The following BLVRA variants were observed in gnomAD, a reference collection of about 807,000 sequenced individuals.
BLVRA encodes the protein biliverdin reductase A, also known as BVR A.
BLVRA carries 22 observed loss-of-function variants against 32.8 expected under a neutral mutation model. The ratio of observed to expected loss-of-function variants is 0.67; its 90% confidence interval spans 0.48 to 0.96. The LOEUF (loss-of-function observed/expected upper bound fraction) is 0.96. BLVRA is among the 40% of genes least tolerant of loss of function. BLVRA has a pLI of 0.00. For missense variants in BLVRA, 323 were observed against 358.1 expected, an observed-to-expected ratio of 0.90 and a Z score of 0.79; for synonymous variants, 119 against 141.3, an observed-to-expected ratio of 0.84 and a Z score of 1.12.
chr7:43,774,960 C>G (rs1030510244), intron 2 of BLVRA, among the ~76,000 whole-genome samples: 3 of 152,084 alleles, frequency 2.0e-5, no homozygotes, highest in African/African-American at 7.2e-5. Flanking sequence ...TGGTGTATAA[C>G]AATGCTTGTG....
chr7:43,807,324 C>T lies in BLVRA; in HGVS notation c.*89C>T, dbSNP rs2095805086. On this transcript the variant is annotated 3_prime_UTR_variant, in exon 8 of 8. Coordinates refer to ENST00000265523, the MANE Select transcript of BLVRA (RefSeq NM_000712.4). Reference sequence around the variant, plus strand: ...CATTATCTCTATTCTTAAAATTAAACATGTTGGGGAAACAAGAATCTTATT... The same window carrying T: ...CATTATCTCTATTCTTAAAATTAAATATGTTGGGGAAACAAGAATCTTATT... 15 of 1,565,570 alleles carry T rather than the reference C, an allele frequency of 9.6e-6. No homozygotes were observed. In the South Asian group the frequency reaches 1.3e-4, roughly 14 times the overall value.
chr7:43,795,386 C>T (rs117981133), intron 5 of BLVRA, among the ~76,000 whole-genome samples: 2,583 of 151,916 alleles, frequency 0.017, 45 homozygotes, highest in Non-Finnish European at 0.025. Context: ...TGTGGTGGCG[C>T]GCACATATAG....
intron 1 of BLVRA, among the ~76,000 whole-genome samples, chr7:43,766,943 G>T (rs567293583): frequency 2.0e-5 from 3 of 152,196 alleles, no homozygotes; most frequent in Non-Finnish European, 4.4e-5. Flanking sequence ...GTTGCAGTGA[G>T]CTGTGATCAT....
intron 2 of BLVRA, among the ~76,000 whole-genome samples, chr7:43,779,490 G>A (rs1209203557): frequency 6.6e-6 from 1 of 152,168 alleles, no homozygotes; most frequent in Non-Finnish European, 1.5e-5. Context: ...TAATAATGTA[G>A]ACACATGTTC....
At chr7:43,771,046 A>G (rs1376286915) in intron 1 of BLVRA, 92 bp from the exon 2 acceptor site, 1 of 1,044,978 alleles carries the variant, frequency 9.6e-7, no homozygotes, top group African/African-American at 1.6e-5. Context: ...GACAGGAAGC[A>G]GTGGGGGAGC....
intron 1 of BLVRA, chr7:43,767,678 A>C: frequency 3.5e-6 from 2 of 575,362 alleles, no homozygotes; most frequent in Non-Finnish European, 6.3e-6. Context: ...TGATTTGAAT[A>C]AAATTGAAAG....
At position 43,758,689 on chromosome 7, in the gene BLVRA, A is replaced by G. The variant is rs2095738887; in HGVS notation, c.-67A>G. The G allele has an allele frequency of 6.6e-6, 1 of 152,156 alleles. No homozygotes were observed. Among genetic ancestry groups the G allele is most frequent in the Middle Eastern group, 3.4e-3 (1 of 294 alleles). 9.4% of individuals were successfully genotyped at this position (152,156 alleles called of 1,614,324 possible). On this transcript the variant is annotated 5_prime_UTR_variant, in exon 1 of 8. Transcript: ENST00000265523. ...GCTGGGATCCCGCCCCGGTCCGCAA[A>G]GCCGGTGGCGCCCGGAGGCTGCACG...
chr7:43,787,820 G>C lies in BLVRA; in HGVS notation c.13-84G>C. 6.2e-7 allele frequency: 1 copy of C among 1,608,548 alleles called. No individual in the cohort carries two copies. Among genetic ancestry groups the C allele is most frequent in the African/African-American group, 1.3e-5 (1 of 74,884 alleles). On this transcript the variant is annotated intron_variant, in intron 2 of 7. Coordinates refer to ENST00000265523, the MANE Select transcript of BLVRA (RefSeq NM_000712.4). The surrounding 1 kb of genome is among the most constrained non-coding windows in gnomAD (Gnocchi z 4.5). ...GGCTGGCTTCCATCTTGCTCGTCGGGACCCTGCCAGCTCCTTTGTTTTGTA... is the reference window on the plus strand; with the variant it reads ...GGCTGGCTTCCATCTTGCTCGTCGGCACCCTGCCAGCTCCTTTGTTTTGTA...
intron 5 of BLVRA, among the ~76,000 whole-genome samples, chr7:43,797,677 T>TTGTC (rs1194931783): frequency 1.3e-5 from 2 of 152,188 alleles, no homozygotes; most frequent in Admixed American, 1.3e-4. Flanking sequence ...ATTTCACCAG[T>TTGTC]TGTCCCAATA....
intron 5 of BLVRA, among the ~76,000 whole-genome samples, chr7:43,800,174 T>A (rs1157733009): frequency 6.6e-6 from 1 of 152,126 alleles, no homozygotes; most frequent in Non-Finnish European, 1.5e-5. Flanking sequence ...CAGGCTGGTC[T>A]GGAACTCCTG....
At chr7:43,766,557 CAG>C (rs2095748160) in intron 1 of BLVRA, among the ~76,000 whole-genome samples, 1 of 152,074 alleles carries the variant, frequency 6.6e-6, no homozygotes, top group Middle Eastern at 3.2e-3. Flanking sequence ...TGATTCTGTT[CAG>C]AGTTTAACTA....
At chr7:43,768,019 G>A (rs1209472145) in intron 1 of BLVRA, among the ~76,000 whole-genome samples, 1 of 152,152 alleles carries the variant, frequency 6.6e-6, no homozygotes, top group Admixed American at 6.5e-5. Flanking sequence ...CCACAGAGAT[G>A]CTACCCACTT....
At chr7:43,769,531 A>AT (rs2095752060) in intron 1 of BLVRA, among the ~76,000 whole-genome samples, 1 of 152,112 alleles carries the variant, frequency 6.6e-6, no homozygotes, top group South Asian at 2.1e-4. Flanking sequence ...AGGTTGGGTC[A>AT]TGAGACCCAC....
chr7:43,770,129 G>A (rs2095752852), intron 1 of BLVRA, among the ~76,000 whole-genome samples: 1 of 152,134 alleles, frequency 6.6e-6, no homozygotes, highest in South Asian at 2.1e-4. Context: ...CCTTTTCAGA[G>A]GCCTTCTGCC....
At chr7:43,803,897 A>T in intron 7 of BLVRA, 50 bp downstream of exon 7, 1 of 1,604,136 alleles carries the variant, frequency 6.2e-7, no homozygotes, top group Non-Finnish European at 8.5e-7. Flanking sequence ...ACATCCTAGT[A>T]CATTTGCAGG....
intron 7 of BLVRA, among the ~76,000 whole-genome samples, chr7:43,806,278 C>T (rs2095803998): frequency 6.6e-6 from 1 of 152,216 alleles, no homozygotes; most frequent in Non-Finnish European, 1.5e-5. Context: ...CACCACTGCA[C>T]TCCAGCCTGG....
intron 1 of BLVRA, among the ~76,000 whole-genome samples, chr7:43,767,783 A>C (rs2095749833): frequency 6.6e-6 from 1 of 152,214 alleles, no homozygotes; most frequent in African/African-American, 2.4e-5. Flanking sequence ...TAACTATATG[A>C]ATCTCATTTG....
chr7:43,767,358 A>G lies in BLVRA; in HGVS notation c.-21-3780A>G. 1.3e-6 allele frequency: 2 copies of G among 1,598,628 alleles called. 1 individual carries two copies. The highest frequency in any genetic ancestry group is 2.2e-5 in the South Asian group (2 of 90,794). ...CTAAGTTCGGAAAAGAAAGCTCATT[A>G]GCATCTACACTGAAGACGCTCCTGT... On this transcript the variant is annotated intron_variant, in intron 1 of 7. Coordinates refer to ENST00000265523, the MANE Select transcript of BLVRA (RefSeq NM_000712.4).
chr7:43,767,231 C>A, intron 1 of BLVRA: 1 of 707,798 alleles, frequency 1.4e-6, no homozygotes, highest in Non-Finnish European at 2.5e-6. Flanking sequence ...TCTAAGATCT[C>A]ATTAGAAAAG....
Sources: allele counts gnomAD v4.1 joint callset (sites outside exome capture counted in the v4.1 genomes callset), GRCh38; gene constraint gnomAD v4.1.1; non-coding constraint Gnocchi (gnomAD v3.1); transcripts MANE v1.5; gene names NCBI Gene and HGNC (gene_info 2026-07-23, HGNC 2026-07-21).